Variants in LRGUK observed in about 807,000 individuals in gnomAD.
LRGUK encodes leucine rich repeats and guanylate kinase domain containing.
A neutral mutation model predicts 76.0 loss-of-function variants in LRGUK; 65 were observed. That is an observed-to-expected ratio of 0.85 (90% CI 0.70 to 1.05). LRGUK has a LOEUF of 1.05. LRGUK is among the 50% of genes least tolerant of loss of function. The probability of loss-of-function intolerance (pLI) is 0.00; values close to 1 mark genes in which losing one functional copy is unlikely to be tolerated. For missense variants in LRGUK, 758 were observed against 732.8 expected (o/e 1.03, Z -0.40); for synonymous variants, 268 against 265.6 (o/e 1.01, Z -0.09).
chr7:134,162,069 A>T (rs1318030731), intron 6 of LRGUK, among the ~76,000 whole-genome samples: 1 of 152,116 alleles, frequency 6.6e-6, no homozygotes, highest in African/African-American at 2.4e-5. Context: ...TTTTATTCTG[A>T]TTATTGAGGA....
downstream of LRGUK, among the ~76,000 whole-genome samples, chr7:134,269,197 C>T (rs1394317562): frequency 6.6e-6 from 1 of 152,056 alleles, no homozygotes; most frequent in Non-Finnish European, 1.5e-5. Context: ...TTTTAATTCC[C>T]TTAAGACCTC....
At chr7:134,233,602 T>G (rs1801950722) in intron 16 of LRGUK, among the ~76,000 whole-genome samples, 1 of 152,212 alleles carries the variant, frequency 6.6e-6, no homozygotes, top group South Asian at 2.1e-4. Context: ...CCAGGTCAGC[T>G]CAGGGAAGAG....
At chr7:134,222,532 C>A (rs1801626376) in intron 16 of LRGUK, among the ~76,000 whole-genome samples, 1 of 152,026 alleles carries the variant, frequency 6.6e-6, no homozygotes, top group Non-Finnish European at 1.5e-5. Context: ...GCAGAAGCAA[C>A]AGAACTTTTT....
intron 5 of LRGUK, among the ~76,000 whole-genome samples, chr7:134,157,019 AAG>A (rs1354126807): frequency 6.6e-6 from 1 of 152,208 alleles, no homozygotes; most frequent in African/African-American, 2.4e-5. Context: ...AAATTGGTCA[AAG>A]AGATTGAGAA....
chr7:134,211,154 C>T (rs1314051537), downstream of LRGUK, among the ~76,000 whole-genome samples: 2 of 152,232 alleles, frequency 1.3e-5, no homozygotes, highest in Non-Finnish European at 2.9e-5. Context: ...AGCCAATCTG[C>T]ACTCCTGTGC....
At chr7:134,268,609 G>A (rs1802902511), downstream of LRGUK, among the ~76,000 whole-genome samples, 1 of 148,902 alleles carries the variant, frequency 6.7e-6, no homozygotes, top group East Asian at 2.0e-4. Context: ...AGAAGAGGAA[G>A]GAAAACTTCA....
intron 4 of LRGUK, among the ~76,000 whole-genome samples, chr7:134,145,375 G>T (rs572473944): frequency 6.6e-6 from 1 of 152,166 alleles, no homozygotes; most frequent in South Asian, 2.1e-4. Context: ...AGCCTCCCGA[G>T]TAGCTGGGAT....
At chr7:134,207,238 G>A (rs1490563868) in intron 15 of LRGUK, among the ~76,000 whole-genome samples, 1 of 152,082 alleles carries the variant, frequency 6.6e-6, no homozygotes, top group Non-Finnish European at 1.5e-5. Flanking sequence ...CATTTACAAT[G>A]TTGTATAACC....
At chr7:134,253,319 G>A (rs1278659971) in intron 18 of LRGUK, among the ~76,000 whole-genome samples, 1 of 152,184 alleles carries the variant, frequency 6.6e-6, no homozygotes, top group Non-Finnish European at 1.5e-5. Context: ...CAAAGTTGAG[G>A]AGGTAGAGGT....
At chr7:134,236,037 G>T (rs567222453) in intron 16 of LRGUK, among the ~76,000 whole-genome samples, 2 of 152,058 alleles carry the variant, frequency 1.3e-5, no homozygotes, top group Non-Finnish European at 2.9e-5. Context: ...TTTTCCTCAA[G>T]TCCCAATCTT....
rs1426238042 is a variant in LRGUK, at chr7:134,263,723, T to C, written c.2348-122T>C. 11 of 986,060 alleles carry C rather than the reference T, an allele frequency of 1.1e-5. No individual in the cohort carries two copies. The African/African-American group carries it at 1.9e-4, about 17-fold the overall frequency. The allele number at this position is 986,060 out of a possible 1,614,324, so 61.1% of individuals were successfully genotyped here. Reference sequence around the variant, plus strand: ...AGCCACTGCACCTGGCCTCATTTATTTCTTATAGTTTGTCATGAACGAATT... The same window carrying C: ...AGCCACTGCACCTGGCCTCATTTATCTCTTATAGTTTGTCATGAACGAATT... On this transcript the variant is annotated intron_variant, in intron 19 of 19. Transcript: ENST00000285928.
At chr7:134,183,281 T>C (rs1414746962) in intron 10 of LRGUK, among the ~76,000 whole-genome samples, 1 of 152,270 alleles carries the variant, frequency 6.6e-6, no homozygotes, top group Non-Finnish European at 1.5e-5. Context: ...ACTCTTAGAA[T>C]GCTTCCTGGC....
intron 10 of LRGUK, among the ~76,000 whole-genome samples, chr7:134,180,303 TCCATCC>T (rs1799685284): frequency 7.0e-6 from 1 of 143,844 alleles, no homozygotes; most frequent in Non-Finnish European, 1.5e-5. Context: ...CATCCATCCA[TCCATCC>T]ATCCATCCAT....
chr7:134,203,240 G>A (rs545276247), intron 15 of LRGUK, among the ~76,000 whole-genome samples: 1 of 152,188 alleles, frequency 6.6e-6, no homozygotes, highest in African/African-American at 2.4e-5. Context: ...GTTGTGTTAT[G>A]TGTATTTTGC....
At chr7:134,205,757 C>T (rs1563182158) in intron 15 of LRGUK, among the ~76,000 whole-genome samples, 1 of 152,132 alleles carries the variant, frequency 6.6e-6, no homozygotes, top group Non-Finnish European at 1.5e-5. Context: ...GCTCCCATTT[C>T]TTAAAATAAA....
intron 11 of LRGUK, among the ~76,000 whole-genome samples, chr7:134,186,260 A>G (rs934673849): frequency 6.6e-6 from 1 of 152,192 alleles, no homozygotes; most frequent in African/African-American, 2.4e-5. Context: ...TTTGGAGCCA[A>G]TCTGCCCTTA....
chr7:134,209,989 A>T (rs1194746206), exon 16 of LRGUK: 1 of 399,546 alleles, frequency 2.5e-6, no homozygotes, highest in Non-Finnish European at 4.4e-6. Flanking sequence ...AGGAAAGGAA[A>T]GCTCCCCAAG....
the LRGUK span, among the ~76,000 whole-genome samples, chr7:134,275,639 A>AT: frequency 6.6e-6 from 1 of 152,096 alleles, no homozygotes; most frequent in Non-Finnish European, 1.5e-5. Context: ...TTTTTCCTGG[A>AT]TTTTATCAAG....
At chr7:134,191,698 C>G in exon 12 of LRGUK, 2 of 1,612,722 alleles carry the variant, frequency 1.2e-6, no homozygotes, top group Non-Finnish European at 1.7e-6. Context: ...AGAAGGGGAT[C>G]GAGTTGATTA....
Sources: gnomAD v4.1 joint callset for allele counts (sites outside exome capture counted in the v4.1 genomes callset) on GRCh38, gnomAD v4.1.1 for gene constraint, MANE v1.5 for transcripts, NCBI Gene and HGNC (gene_info 2026-07-23, HGNC 2026-07-21) for gene names.